Variants in SLC8A3 observed in about 807,000 individuals in gnomAD.
The protein encoded by SLC8A3 is solute carrier family 8 member A3, also known as sodium/calcium exchanger 3.
A neutral mutation model predicts 65.4 loss-of-function variants in SLC8A3; 37 were observed. The ratio of observed to expected loss-of-function variants is 0.57; its 90% confidence interval spans 0.44 to 0.74. The LOEUF is 0.74. Ranked by LOEUF, SLC8A3 falls within the 30% of genes least tolerant of loss-of-function variation. SLC8A3 has a pLI of 0.00. For synonymous variants in SLC8A3, 461 were observed against 444.5 expected (o/e 1.04, Z -0.47); for missense variants, 1,112 against 1,172.1 (o/e 0.95, Z 0.75).
chr14:70,138,176 G>C (rs1382056774), intron 2 of SLC8A3, among the ~76,000 whole-genome samples: 4 of 152,170 alleles, frequency 2.6e-5, no homozygotes, highest in Non-Finnish European at 5.9e-5. Context: ...GTGTGCCTCT[G>C]TGGAGCCAGC....
intron 2 of SLC8A3, among the ~76,000 whole-genome samples, chr14:70,121,665 G>C (rs1020251791): frequency 6.6e-6 from 1 of 152,208 alleles, no homozygotes; most frequent in African/African-American, 2.4e-5. Flanking sequence ...CCTTCTGGTT[G>C]AAAGGATTCA....
intron 3 of SLC8A3, among the ~76,000 whole-genome samples, chr14:70,055,217 C>T (rs749649288): frequency 6.6e-6 from 1 of 152,094 alleles, no homozygotes; most frequent in Non-Finnish European, 1.5e-5. Flanking sequence ...TTGTTCACGG[C>T]ACATAGGACT....
At chr14:70,169,695 G>A (rs888662350) in intron 1 of SLC8A3, among the ~76,000 whole-genome samples, 16 of 145,594 alleles carry the variant, frequency 1.1e-4, no homozygotes, top group Admixed American at 2.1e-4. Context: ...AAAAAGTGGG[G>A]GGGGGGGCGA....
intron 2 of SLC8A3, among the ~76,000 whole-genome samples, chr14:70,146,803 T>C (rs1895953871): frequency 6.6e-6 from 1 of 152,218 alleles, no homozygotes; most frequent in Non-Finnish European, 1.5e-5. Flanking sequence ...TTAAGCATAC[T>C]GCTGAATCCT....
chr14:70,122,898 C>G lies in SLC8A3; in HGVS notation c.1784+43741G>C, dbSNP rs529523873. On this transcript the variant is annotated intron_variant, in intron 2 of 6. Transcript: ENST00000356921. ...ACCAGCCTGGCCAACATAATGAAAC[C>G]CTGTCTCTACTAAAAATACAAAAAT... is the stretch of plus-strand genomic sequence containing the variant. 2.2e-4 allele frequency among the ~76,000 whole-genome samples: 34 copies of G among 151,556 alleles called. No individual in the cohort carries two copies. In the South Asian group the frequency reaches 2.7e-3, roughly 12 times the overall value.
intron 2 of SLC8A3, among the ~76,000 whole-genome samples, chr14:70,078,570 A>G (rs1594947253): frequency 6.6e-6 from 1 of 152,342 alleles, no homozygotes; most frequent in Admixed American, 6.5e-5. Context: ...CCACTCCTGC[A>G]TAATTCACAG....
At chr14:70,123,487 T>C (rs1299616445) in intron 2 of SLC8A3, among the ~76,000 whole-genome samples, 1 of 151,078 alleles carries the variant, frequency 6.6e-6, no homozygotes, top group Non-Finnish European at 1.5e-5. Flanking sequence ...TTCACTCTTG[T>C]CGCCCAGGCT....
At position 70,167,784 on chromosome 14, in the gene SLC8A3, G is replaced by A; in HGVS notation, c.639C>T (p.Ala213=). The change falls in exon 2 of 7, where the codon GCC becomes GCT. Residue 213 remains alanine (A), a synonymous_variant. Transcript: ENST00000356921. ...CCAGAATCATATAGAGCCAGATGTA[G>A]GCAAAGATACTCCAAGCAGCGGTGA... is the stretch of plus-strand genomic sequence containing the variant. ...FFITAAWSIF[A]YIWLYMILAV... 1.9e-6 allele frequency: 3 copies of A among 1,614,138 alleles called. No homozygotes were observed. The highest frequency in any genetic ancestry group is 2.5e-6 in the Non-Finnish European group (3 of 1,180,044).
chr14:70,161,142 A>AAT (rs1286947343), intron 2 of SLC8A3, among the ~76,000 whole-genome samples: 1 of 146,478 alleles, frequency 6.8e-6, no homozygotes, highest in Non-Finnish European at 1.5e-5. Flanking sequence ...TATAAATATA[A>AAT]ATATATATGT....
chr14:70,132,986 A>G (rs997203538), intron 2 of SLC8A3, among the ~76,000 whole-genome samples: 1 of 151,970 alleles, frequency 6.6e-6, no homozygotes, highest in African/African-American at 2.4e-5. Flanking sequence ...ATTCTAATTT[A>G]CTGCCAGGTT....
At chr14:70,104,452 C>T (rs2140119045) in intron 2 of SLC8A3, among the ~76,000 whole-genome samples, 1 of 152,248 alleles carries the variant, frequency 6.6e-6, no homozygotes, top group Non-Finnish European at 1.5e-5. Context: ...TGTTATTAGA[C>T]ACATACACAT....
chr14:70,080,060 C>T (rs971209856), intron 2 of SLC8A3: 1 of 982,728 alleles, frequency 1.0e-6, no homozygotes, highest in African/African-American at 1.7e-5. Flanking sequence ...AGGCAGCAGG[C>T]TCAGCAAGTG....
intron 2 of SLC8A3, among the ~76,000 whole-genome samples, chr14:70,144,308 GTTTTTTTTTT>G (rs538954381): frequency 2.0e-5 from 1 of 49,058 alleles, no homozygotes; most frequent in African/African-American, 8.3e-5. Context: ...AAAACTTCCT[GTTTTTTTTTT>G]TTTTTTTTTT....
At chr14:70,122,773 A>G (rs1389929015) in intron 2 of SLC8A3, among the ~76,000 whole-genome samples, 1 of 152,120 alleles carries the variant, frequency 6.6e-6, no homozygotes, top group Non-Finnish European at 1.5e-5. Context: ...TCACTTGTCT[A>G]TAAAAAATAT....
At chr14:70,132,334 T>C in intron 2 of SLC8A3, among the ~76,000 whole-genome samples, 1 of 152,206 alleles carries the variant, frequency 6.6e-6, no homozygotes. Flanking sequence ...CTTTTAGTAT[T>C]TGAGTTTAGC....
chr14:70,088,411 A>C (rs1891586011), intron 2 of SLC8A3, among the ~76,000 whole-genome samples: 3 of 152,204 alleles, frequency 2.0e-5, no homozygotes, highest in Non-Finnish European at 4.4e-5. Flanking sequence ...GAGCTGTGTC[A>C]GCTAGGATAA....
chr14:70,158,425 G>T (rs943298209), intron 2 of SLC8A3, among the ~76,000 whole-genome samples: 15 of 152,188 alleles, frequency 9.9e-5, no homozygotes, highest in Non-Finnish European at 5.9e-5. Context: ...AAGATGGACT[G>T]GTATGGAGAG....
At chr14:70,083,762 A>C (rs1891227776) in intron 2 of SLC8A3, among the ~76,000 whole-genome samples, 1 of 152,258 alleles carries the variant, frequency 6.6e-6, no homozygotes, top group African/African-American at 2.4e-5. Flanking sequence ...AAGTTCACAT[A>C]GATGGTAAAT....
intron 1 of SLC8A3, among the ~76,000 whole-genome samples, chr14:70,176,489 A>T (rs573355573): frequency 6.6e-6 from 1 of 152,352 alleles, no homozygotes; most frequent in African/African-American, 2.4e-5. Flanking sequence ...TAAGATACAG[A>T]CAAGGTTGAA....
Sources: allele counts gnomAD v4.1 joint callset (sites outside exome capture counted in the v4.1 genomes callset), GRCh38; gene constraint gnomAD v4.1.1; transcripts MANE v1.5; gene names NCBI Gene and HGNC (gene_info 2026-07-23, HGNC 2026-07-21).